Variants in GREB1L observed in about 807,000 individuals in gnomAD.
GREB1L encodes the protein GREB1 like retinoic acid receptor coactivator.
A neutral mutation model predicts 200.8 loss-of-function variants in GREB1L; 17 were observed. That is an observed-to-expected ratio of 0.08 (90% CI 0.06 to 0.13). The LOEUF (loss-of-function observed/expected upper bound fraction) is 0.13. Ranked by LOEUF, GREB1L falls within the 10% of genes least tolerant of loss-of-function variation. The pLI, the probability that GREB1L is intolerant of heterozygous loss-of-function variation, is 1.00. For synonymous variants in GREB1L, 789 were observed against 893.0 expected (o/e 0.88, Z 2.08); for missense variants, 1,657 against 2,367.7 (o/e 0.70, Z 6.23).
At chr18:21,492,621 T>A (rs114589441) in intron 19 of GREB1L, among the ~76,000 whole-genome samples, 1,819 of 152,300 alleles carry the variant, frequency 0.012, 40 homozygotes, top group African/African-American at 0.041. Flanking sequence ...AGGCCTGAGG[T>A]TCTTCACCTG....
intron 1 of GREB1L, among the ~76,000 whole-genome samples, chr18:21,292,670 A>G (rs1404042261): frequency 1.3e-5 from 2 of 152,196 alleles, no homozygotes; most frequent in Non-Finnish European, 2.9e-5. Context: ...CGTCCATGTA[A>G]GCATGTATCA....
intron 1 of GREB1L, among the ~76,000 whole-genome samples, chr18:21,278,386 A>C (rs1214197256): frequency 2.2e-5 from 3 of 135,592 alleles, no homozygotes; most frequent in African/African-American, 9.6e-5. Context: ...ATCTCAAAAA[A>C]AAAAAATAAA....
intron 1 of GREB1L, among the ~76,000 whole-genome samples, chr18:21,279,438 T>C (rs2038229231): frequency 6.6e-6 from 1 of 152,198 alleles, no homozygotes; most frequent in African/African-American, 2.4e-5. Flanking sequence ...TACGGATCCC[T>C]TCCCAGCATA....
intron 2 of GREB1L, among the ~76,000 whole-genome samples, chr18:21,381,407 C>CAA: frequency 8.8e-6 from 1 of 113,600 alleles, no homozygotes; most frequent in Admixed American, 9.8e-5. Flanking sequence ...GACTGCATCT[C>CAA]AAAAAAAGAA....
chr18:21,517,675 C>A (rs1215486299), intron 30 of GREB1L, among the ~76,000 whole-genome samples: 2 of 152,102 alleles, frequency 1.3e-5, no homozygotes, highest in Non-Finnish European at 2.9e-5. Context: ...AGCTTAGAAA[C>A]CTCTTTGCCA....
intron 1 of GREB1L, among the ~76,000 whole-genome samples, chr18:21,254,061 ATTTTTTTTTTTT>A (rs547876546): frequency 2.8e-5 from 2 of 70,426 alleles, no homozygotes; most frequent in Admixed American, 3.5e-4. Flanking sequence ...TTTCAGGCAT[ATTTTTTTTTTTT>A]TTTTTTTTTT....
chr18:21,268,560 CATATATATATATATATATAT>C (rs370094258), intron 1 of GREB1L, among the ~76,000 whole-genome samples: 12 of 63,520 alleles, frequency 1.9e-4, no homozygotes, highest in African/African-American at 3.0e-4. Flanking sequence ...CACACACACA[CATATATATATATATATATAT>C]ATATATATAT....
intron 7 of GREB1L, among the ~76,000 whole-genome samples, chr18:21,418,627 G>A (rs1380141835): frequency 6.6e-6 from 1 of 152,060 alleles, no homozygotes; most frequent in Non-Finnish European, 1.5e-5. Context: ...GGGTTCAAGC[G>A]ATTCTCCTGC....
chr18:21,308,505 G>A lies in GREB1L; in HGVS notation c.-119-57522G>A, dbSNP rs113519643. On this transcript the variant is annotated intron_variant, in intron 1 of 32. Transcript: ENST00000424526. ...TGAGAGTATCATCGCCACTATCACC[G>A]TCGTCATCATCGTCATTGGTCCATA... is the stretch of plus-strand genomic sequence containing the variant. 7.6e-3 allele frequency among the ~76,000 whole-genome samples: 1,164 copies of A among 152,312 alleles called. 7 individuals are homozygous for A. Among genetic ancestry groups the A allele is most frequent in the Non-Finnish European group, 0.01 (708 of 68,024 alleles).
At chr18:21,367,335 C>G (rs2039714118) in intron 2 of GREB1L, among the ~76,000 whole-genome samples, 1 of 152,148 alleles carries the variant, frequency 6.6e-6, no homozygotes, top group Non-Finnish European at 1.5e-5. Flanking sequence ...TCTGAAAGAA[C>G]AGTTGGAGTT....
intron 4 of GREB1L, among the ~76,000 whole-genome samples, chr18:21,385,079 C>T (rs1416867318): frequency 6.6e-6 from 1 of 152,066 alleles, no homozygotes; most frequent in East Asian, 1.9e-4. Context: ...ACTCTCTTCC[C>T]TCCATTTAAT....
intron 1 of GREB1L, among the ~76,000 whole-genome samples, chr18:21,310,040 A>G (rs1343561158): frequency 6.6e-6 from 1 of 152,232 alleles, no homozygotes; most frequent in African/African-American, 2.4e-5. Flanking sequence ...AGTAGTCATT[A>G]CTATAGGTAG....
At chr18:21,495,018 C>G (rs1568057733) in intron 19 of GREB1L, among the ~76,000 whole-genome samples, 1 of 151,996 alleles carries the variant, frequency 6.6e-6, no homozygotes, top group South Asian at 2.1e-4. Context: ...ATTACATTAC[C>G]CCTCCAAATG....
chr18:21,401,716 CTAAACATACTTAGAATAAACAT>C (rs914803695), intron 6 of GREB1L: 10 of 158,334 alleles, frequency 6.3e-5, no homozygotes, highest in African/African-American at 9.6e-5. Flanking sequence ...TTAACTAGAC[CTAAACATACTTAGAATAAACAT>C]TAATGTTCTC....
At chr18:21,382,739 A>G (rs2040374133) in intron 2 of GREB1L, among the ~76,000 whole-genome samples, 1 of 152,028 alleles carries the variant, frequency 6.6e-6, no homozygotes, top group Non-Finnish European at 1.5e-5. Flanking sequence ...CACCTGCCCC[A>G]GCCTCCCAAA....
intron 5 of GREB1L, among the ~76,000 whole-genome samples, chr18:21,398,552 TTAAA>T (rs1404939127): frequency 6.6e-6 from 1 of 152,200 alleles, no homozygotes; most frequent in African/African-American, 2.4e-5. Context: ...CAGGTTTTTC[TTAAA>T]TAAACACATT....
intron 4 of GREB1L, among the ~76,000 whole-genome samples, chr18:21,392,885 T>C (rs1460092948): frequency 6.6e-6 from 1 of 151,520 alleles, no homozygotes; most frequent in Non-Finnish European, 1.5e-5. Flanking sequence ...GATGCTCCCA[T>C]CTTAACCTCC....
intron 15 of GREB1L, among the ~76,000 whole-genome samples, chr18:21,469,384 C>T (rs1266321182): frequency 6.6e-6 from 1 of 152,158 alleles, no homozygotes; most frequent in Non-Finnish European, 1.5e-5. Context: ...CCATTGGAGG[C>T]GCCTTCAGGC....
At chr18:21,291,102 C>G (rs934200068) in intron 1 of GREB1L, among the ~76,000 whole-genome samples, 1 of 152,124 alleles carries the variant, frequency 6.6e-6, no homozygotes, top group Non-Finnish European at 1.5e-5. Context: ...CTATCATGTT[C>G]TTCAGCCAGG....
Sources: allele counts gnomAD v4.1 joint callset (sites outside exome capture counted in the v4.1 genomes callset), GRCh38; gene constraint gnomAD v4.1.1; transcripts MANE v1.5; gene names NCBI Gene and HGNC (gene_info 2026-07-23, HGNC 2026-07-21).